The following RAB40B variants were observed in gnomAD, a reference collection of about 807,000 sequenced individuals.
RAB40B encodes RAB40B, member RAS oncogene family.
RAB40B carries 21 observed loss-of-function variants against 24.0 expected under a neutral mutation model. That is an observed-to-expected ratio of 0.88 (90% CI 0.62 to 1.26). RAB40B has a LOEUF of 1.26. RAB40B is among the 50% of genes most tolerant of loss of function. RAB40B has a pLI of 0.00. For missense variants in RAB40B, 348 were observed against 390.5 expected (o/e 0.89, Z 0.92); for synonymous variants, 167 against 169.8 (o/e 0.98, Z 0.13).
Position 82,692,877 on chromosome 17 carries a change from A to G in RAB40B, c.142+5578T>C, listed in dbSNP as rs1436868670. Among the ~76,000 whole-genome samples the G allele has an allele frequency of 6.6e-6, 1 of 152,226 alleles. No individual in the cohort carries two copies. The highest frequency in any genetic ancestry group is 1.5e-5 in the Non-Finnish European group (1 of 68,042). On this transcript the variant is annotated intron_variant, in intron 1 of 5. Coordinates refer to ENST00000571995, the MANE Select transcript of RAB40B (RefSeq NM_006822.3). This position sits in a 1 kb window ranked among gnomAD's most constrained non-coding sequence, Gnocchi z 4.0. ...GATGAGAGTGGCTATCCAGGATCAC[A>G]CAGCCGACAAAGGACTCACAGCCAG... is the stretch of plus-strand genomic sequence containing the variant.
chr17:82,682,151 A>G (rs1192303305), intron 1 of RAB40B, among the ~76,000 whole-genome samples: 1 of 151,958 alleles, frequency 6.6e-6, no homozygotes, highest in African/African-American at 2.4e-5. Flanking sequence ...GCACGCATGC[A>G]CACACACACA....
intron 1 of RAB40B, among the ~76,000 whole-genome samples, chr17:82,668,835 C>T (rs575562117): frequency 2.6e-5 from 4 of 152,226 alleles, no homozygotes; most frequent in African/African-American, 4.8e-5. Context: ...ATCCGTGGAT[C>T]GAGAGGCCCA....
At chr17:82,673,129 G>A (rs1025507461) in intron 1 of RAB40B, among the ~76,000 whole-genome samples, 12 of 152,228 alleles carry the variant, frequency 7.9e-5, no homozygotes, top group South Asian at 2.1e-4. Flanking sequence ...GCTTGAACCC[G>A]GCAGGCGGAG....
intron 2 of RAB40B, among the ~76,000 whole-genome samples, chr17:82,664,166 CG>C (rs1318464832): frequency 6.5e-5 from 7 of 107,378 alleles, no homozygotes; most frequent in African/African-American, 1.3e-4. Flanking sequence ...GGGTGTTCCC[CG>C]GGGGCGCTGT....
intron 1 of RAB40B, among the ~76,000 whole-genome samples, chr17:82,685,268 A>G (rs2046487324): frequency 7.1e-6 from 1 of 141,146 alleles, no homozygotes; most frequent in Non-Finnish European, 1.6e-5. Flanking sequence ...AGTGGGCCAG[A>G]AGGGAAAAGG....
In RAB40B at chr17:82,698,686, C is replaced by G. The variant is rs1280097982; in HGVS notation, c.-90G>C. On this transcript the variant is annotated 5_prime_UTR_variant, in exon 1 of 6. Transcript: ENST00000571995. Reference sequence around the variant, plus strand: ...GCCCCGAGAGGCGCCGCGCGGGCCCCGAGTCCTTGCTCGCCTCCGGCCCCG... The same window carrying G: ...GCCCCGAGAGGCGCCGCGCGGGCCCGGAGTCCTTGCTCGCCTCCGGCCCCG... The G allele has an allele frequency of 1.9e-5, 20 of 1,027,502 alleles. No homozygotes were observed. The highest frequency in any genetic ancestry group is 6.9e-5 in the African/African-American group (4 of 57,976). The allele number at this position is 1,027,502 out of a possible 1,614,324, so 63.6% of individuals were successfully genotyped here. A position where few individuals can be genotyped will look rare whatever the true frequency, so the allele number is the denominator to read the frequency against.
rs1233064643 is a variant in RAB40B, at chr17:82,697,432, G to A, written c.142+1023C>T. ...CCCTTCCCAGGCCCCAGAGCTGACA[G>A]GTCCTTCCCACCAAGACTCCATCTC... is the stretch of plus-strand genomic sequence containing the variant. On this transcript the variant is annotated intron_variant, in intron 1 of 5. Coordinates refer to ENST00000571995, the MANE Select transcript of RAB40B (RefSeq NM_006822.3). The surrounding 1 kb of genome is among the most constrained non-coding windows in gnomAD (Gnocchi z 4.9). 6.6e-6 allele frequency among the ~76,000 whole-genome samples: 1 copy of A among 152,174 alleles called. No individual in the cohort carries two copies. The highest frequency in any genetic ancestry group is 2.4e-5 in the African/African-American group (1 of 41,444).
At chr17:82,677,771 G>T (rs1026963630) in intron 1 of RAB40B, among the ~76,000 whole-genome samples, 2 of 152,204 alleles carry the variant, frequency 1.3e-5, no homozygotes, top group African/African-American at 4.8e-5. Context: ...ACCCCCGGAT[G>T]TGGGGCCCTC....
chr17:82,660,762 C>T (rs1381681962), intron 3 of RAB40B, among the ~76,000 whole-genome samples: 1 of 152,240 alleles, frequency 6.6e-6, no homozygotes, highest in Admixed American at 6.5e-5. Context: ...CACACGTGTA[C>T]ATGCACACAC....
intron 1 of RAB40B, among the ~76,000 whole-genome samples, chr17:82,677,120 T>G (rs1225642820): frequency 6.6e-6 from 1 of 151,642 alleles, no homozygotes; most frequent in Non-Finnish European, 1.5e-5. Flanking sequence ...AGCTAATTTT[T>G]GTATTTTTAG....
chr17:82,673,938 A>G (rs747394843), intron 1 of RAB40B, among the ~76,000 whole-genome samples: 4 of 152,150 alleles, frequency 2.6e-5, no homozygotes, highest in Non-Finnish European at 5.9e-5. Flanking sequence ...TTTTCCCAGC[A>G]TTCTGGGAAT....
intron 2 of RAB40B, chr17:82,662,598 A>T (rs1251356195): frequency 6.1e-6 from 6 of 985,020 alleles, no homozygotes; most frequent in Non-Finnish European, 7.2e-6. Flanking sequence ...TGGGGTCCAC[A>T]CTCCGGGGTC....
At position 82,659,076 on chromosome 17, in the gene RAB40B, G is replaced by A. The variant is rs538974483; in HGVS notation, c.343-363C>T. 462 of 275,936 alleles carry A rather than the reference G, an allele frequency of 1.7e-3. 1 individual carries two copies. Among genetic ancestry groups the A allele is most frequent in the African/African-American group, 7.6e-3 (349 of 46,118 alleles). 17.1% of individuals were successfully genotyped at this position (275,936 alleles called of 1,614,324 possible). A position where few individuals can be genotyped will look rare whatever the true frequency, so the allele number is the denominator to read the frequency against. ...GCGGCTGTAGGGAAGTGGCCCTGCC[G>A]ACACCTTGGTTTTGGGCTCTGGCCT... On this transcript the variant is annotated intron_variant, in intron 4 of 5. Transcript: ENST00000571995.
chr17:82,670,082 A>C (rs915485019), intron 1 of RAB40B, among the ~76,000 whole-genome samples: 1 of 151,540 alleles, frequency 6.6e-6, no homozygotes, highest in African/African-American at 2.4e-5. Flanking sequence ...TGAGAGGCTC[A>C]TATTTGTCTT....
chr17:82,696,070 A>G (rs545077947), intron 1 of RAB40B, among the ~76,000 whole-genome samples: 3 of 152,064 alleles, frequency 2.0e-5, no homozygotes, highest in Non-Finnish European at 2.9e-5. Flanking sequence ...GGGTTTCTCC[A>G]TGTTGATCAG....
intron 1 of RAB40B, among the ~76,000 whole-genome samples, chr17:82,691,544 G>T (rs9891087): frequency 6.6e-6 from 1 of 151,870 alleles, no homozygotes; most frequent in Non-Finnish European, 1.5e-5. Flanking sequence ...AAAATTAGCC[G>T]GGCATGGTAC....
rs536390755 is a variant in RAB40B, at chr17:82,668,663, C to T, written c.143-4107G>A. Among the ~76,000 whole-genome samples the T allele has an allele frequency of 7.2e-5, 11 of 152,352 alleles. No homozygotes were observed. In the South Asian group the frequency reaches 8.3e-4, roughly 11 times the overall value. ...AACTGTGCTCCACGACTGGAGCGGG[C>T]GTGGGGAGTGAGGAGAGGCCAGGCA... On this transcript the variant is annotated intron_variant, in intron 1 of 5. Coordinates refer to ENST00000571995, the MANE Select transcript of RAB40B (RefSeq NM_006822.3).
chr17:82,661,486 G>A (rs1201948105), intron 2 of RAB40B, among the ~76,000 whole-genome samples: 2 of 152,158 alleles, frequency 1.3e-5, no homozygotes, highest in African/African-American at 2.4e-5. Flanking sequence ...AAGAGGGGAG[G>A]GATACAGGGA....
chr17:82,664,159 T>G (rs1002028752), intron 2 of RAB40B, among the ~76,000 whole-genome samples: 7 of 41,912 alleles, frequency 1.7e-4, no homozygotes, highest in African/African-American at 2.3e-4. Flanking sequence ...GGTGGGAGGG[T>G]GTTCCCCGGG....
Sources: gnomAD v4.1 joint callset for allele counts (sites outside exome capture counted in the v4.1 genomes callset) on GRCh38, gnomAD v4.1.1 for gene constraint, Gnocchi (gnomAD v3.1) non-coding constraint, MANE v1.5 for transcripts, NCBI Gene and HGNC (gene_info 2026-07-23, HGNC 2026-07-21) for gene names.